ARL15: variants seen among roughly 807,000 people sequenced by gnomAD.
The protein encoded by ARL15 is ADP-ribosylation factor-like protein 15.
A neutral mutation model predicts 25.2 loss-of-function variants in ARL15; 19 were observed. That is an observed-to-expected ratio of 0.75 (90% confidence interval 0.53 to 1.10). The LOEUF (loss-of-function observed/expected upper bound fraction) is 1.10, where lower values mean the gene tolerates loss of function less well. Among genes scored for constraint, ARL15 ranks in the 50% least tolerant of loss-of-function variants. ARL15 has a pLI of 0.00. For synonymous variants in ARL15, 94 were observed against 86.8 expected, an observed-to-expected ratio of 1.08 and a Z score of -0.46; for missense variants, 220 against 246.0, an observed-to-expected ratio of 0.89 and a Z score of 0.71.
At chr5:53,946,455 G>GAAAAAAGAAA (rs1746733084) in intron 4 of ARL15, among the ~76,000 whole-genome samples, 1 of 43,940 alleles carries the variant, frequency 2.3e-5, no homozygotes, top group Non-Finnish European at 4.0e-5. Flanking sequence ...GTCTCAAGAG[G>GAAAAAAGAAA]AAAAAAAAAA....
chr5:54,292,829 T>C (rs901352451), intron 1 of ARL15, among the ~76,000 whole-genome samples: 2 of 152,104 alleles, frequency 1.3e-5, no homozygotes, highest in Admixed American at 1.3e-4. Context: ...AACAAAAGGA[T>C]ACTAGCCCGA....
intron 1 of ARL15, among the ~76,000 whole-genome samples, chr5:54,248,208 A>G (rs901577553): frequency 3.3e-5 from 5 of 152,178 alleles, no homozygotes; most frequent in African/African-American, 1.2e-4. Context: ...CATTTGGGAA[A>G]TAACTGGGTT....
chr5:53,993,342 G>C (rs1239414223), intron 4 of ARL15, among the ~76,000 whole-genome samples: 1 of 152,086 alleles, frequency 6.6e-6, no homozygotes, highest in Non-Finnish European at 1.5e-5. Flanking sequence ...GGGCATGGTA[G>C]CTCGTGCCTG....
intron 4 of ARL15, among the ~76,000 whole-genome samples, chr5:53,942,396 G>C (rs536700002): frequency 6.6e-5 from 10 of 152,130 alleles, no homozygotes; most frequent in Non-Finnish European, 1.5e-4. Context: ...TGAGAGCTTT[G>C]GCTAGAGATT....
chr5:54,290,304 C>CTTT (rs34445601), intron 1 of ARL15, among the ~76,000 whole-genome samples: 1 of 140,014 alleles, frequency 7.1e-6, no homozygotes, highest in Non-Finnish European at 1.6e-5. Flanking sequence ...ATCACTCAAC[C>CTTT]TTTTTTTTTT....
chr5:54,028,167 T>C (rs6890160), intron 4 of ARL15, among the ~76,000 whole-genome samples: 2,534 of 152,210 alleles, frequency 0.017, 85 homozygotes, highest in African/African-American at 0.058. Flanking sequence ...GTGATCCGCC[T>C]GTCTCGGCCT....
intron 4 of ARL15, among the ~76,000 whole-genome samples, chr5:54,108,369 A>G (rs1752647718): frequency 6.6e-6 from 1 of 152,124 alleles, no homozygotes; most frequent in African/African-American, 2.4e-5. Context: ...AGCTGCTCAC[A>G]CCATAGGTAT....
intron 4 of ARL15, among the ~76,000 whole-genome samples, chr5:54,061,836 T>C (rs567445491): frequency 6.6e-6 from 1 of 152,182 alleles, no homozygotes; most frequent in East Asian, 1.9e-4. Flanking sequence ...GCCACCATCC[T>C]CCTGACCCTA....
At chr5:54,169,523 G>A (rs1175498716) in intron 2 of ARL15, among the ~76,000 whole-genome samples, 1 of 152,068 alleles carries the variant, frequency 6.6e-6, no homozygotes, top group Non-Finnish European at 1.5e-5. Flanking sequence ...AACAGAATAT[G>A]GAAAAAGATT....
In ARL15 at chr5:54,127,757, G is replaced by A. The variant is rs562305186; in HGVS notation, c.254-14347C>T. 3.2e-4 allele frequency among the ~76,000 whole-genome samples: 48 copies of A among 151,742 alleles called. No homozygotes were observed. In the South Asian group the frequency reaches 9.0e-3, roughly 28 times the overall value. On this transcript the variant is annotated intron_variant, in intron 3 of 4. Coordinates refer to ENST00000504924, the MANE Select transcript of ARL15 (RefSeq NM_019087.3). ...CAAAGCTGGAGGCATCATGCTACCT[G>A]ACTTCAAACTATACTACAAGGCTAC...
At chr5:54,018,094 T>C (rs1030853584) in intron 4 of ARL15, among the ~76,000 whole-genome samples, 4 of 152,180 alleles carry the variant, frequency 2.6e-5, no homozygotes, top group African/African-American at 4.8e-5. Context: ...TTCATCATAG[T>C]TTTTAAAAAA....
At chr5:53,920,483 C>T (rs1024729665) in intron 4 of ARL15, among the ~76,000 whole-genome samples, 1 of 151,866 alleles carries the variant, frequency 6.6e-6, no homozygotes, top group Non-Finnish European at 1.5e-5. Context: ...ACTGTAGCTG[C>T]TGCCTGGTGC....
At chr5:54,047,687 C>A (rs545983496) in intron 4 of ARL15, among the ~76,000 whole-genome samples, 2 of 152,284 alleles carry the variant, frequency 1.3e-5, no homozygotes, top group South Asian at 4.1e-4. Flanking sequence ...CAGTTATTCA[C>A]TATAACCAGT....
chr5:53,891,551 T>C (rs1050392799), intron 4 of ARL15, among the ~76,000 whole-genome samples: 2 of 152,216 alleles, frequency 1.3e-5, no homozygotes, highest in African/African-American at 2.4e-5. Flanking sequence ...GCTCTTGCCA[T>C]GTGAAATACA....
At chr5:53,920,980 T>C (rs1745839523) in intron 4 of ARL15, among the ~76,000 whole-genome samples, 1 of 152,070 alleles carries the variant, frequency 6.6e-6, no homozygotes, top group Admixed American at 6.6e-5. Context: ...CCCAAGGACC[T>C]AGAGGAGAGC....
At chr5:53,942,502 T>C (rs181994722) in intron 4 of ARL15, among the ~76,000 whole-genome samples, 3 of 151,568 alleles carry the variant, frequency 2.0e-5, no homozygotes, top group African/African-American at 2.4e-5. Context: ...AATCCCAGCA[T>C]TTTGGGAGGC....
intron 4 of ARL15, among the ~76,000 whole-genome samples, chr5:53,969,460 C>T (rs1747667560): frequency 6.6e-6 from 1 of 151,990 alleles, no homozygotes; most frequent in East Asian, 1.9e-4. Context: ...AAGATGGATT[C>T]TCAAAAATTA....
At chr5:54,301,902 A>G (rs1758625456) in intron 1 of ARL15, among the ~76,000 whole-genome samples, 1 of 152,264 alleles carries the variant, frequency 6.6e-6, no homozygotes, top group African/African-American at 2.4e-5. Context: ...CTAGGTACAG[A>G]GGAACTTGAT....
chr5:54,253,185 C>T (rs934030648), intron 1 of ARL15, among the ~76,000 whole-genome samples: 1 of 152,134 alleles, frequency 6.6e-6, no homozygotes, highest in African/African-American at 2.4e-5. Context: ...TTCTCGGCAG[C>T]AGTCAGCATA....
Sources: allele counts gnomAD v4.1 joint callset (sites outside exome capture counted in the v4.1 genomes callset), GRCh38; gene constraint gnomAD v4.1.1; transcripts MANE v1.5; gene names NCBI Gene and HGNC (gene_info 2026-07-23, HGNC 2026-07-21).